SIM2: variants seen among roughly 807,000 people sequenced by gnomAD.
The protein encoded by SIM2 is SIM bHLH transcription factor 2, also known as single-minded homolog 2.
A neutral mutation model predicts 64.8 loss-of-function variants in SIM2; 28 were observed. The observed-to-expected ratio is 0.43, with a 90% CI of 0.32 to 0.59. The LOEUF (loss-of-function observed/expected upper bound fraction) is 0.59. SIM2 is among the 20% of genes least tolerant of loss of function. The pLI, the probability that SIM2 is intolerant of heterozygous loss-of-function variation, is 0.07. For synonymous variants in SIM2, 408 were observed against 391.1 expected (o/e 1.04, Z -0.51); for missense variants, 847 against 871.4 (o/e 0.97, Z 0.35).
chr21:36,715,845 A>G (rs1272326303), intron 3 of SIM2, among the ~76,000 whole-genome samples: 4 of 152,224 alleles, frequency 2.6e-5, no homozygotes, highest in Admixed American at 2.6e-4. Context: ...TCTTTTATTA[A>G]GCCTTATTTG....
intron 3 of SIM2, among the ~76,000 whole-genome samples, chr21:36,714,348 CA>C (rs1568928216): frequency 6.6e-6 from 1 of 152,138 alleles, no homozygotes; most frequent in Non-Finnish European, 1.5e-5. Context: ...TCACTGTTAT[CA>C]AATATTAAAT....
chr21:36,728,432 C>G (rs118018960), intron 6 of SIM2, among the ~76,000 whole-genome samples: 3,234 of 152,312 alleles, frequency 0.021, 53 homozygotes, highest in Non-Finnish European at 0.032. Flanking sequence ...GAGGCCTGGA[C>G]AGGGCCTGGA....
At chr21:36,728,277 C>A (rs1264003807) in intron 6 of SIM2, among the ~76,000 whole-genome samples, 2 of 152,122 alleles carry the variant, frequency 1.3e-5, no homozygotes, top group Non-Finnish European at 2.9e-5. Flanking sequence ...TTCCTCTGGG[C>A]CTTCTAGGAA....
At position 36,726,416 on chromosome 21, in the gene SIM2, A is replaced by C; in HGVS notation, c.743+98A>C. On this transcript the variant is annotated intron_variant, in intron 6 of 10. Coordinates refer to ENST00000290399, the MANE Select transcript of SIM2 (RefSeq NM_005069.6). The surrounding 1 kb of genome is among the most constrained non-coding windows in gnomAD (Gnocchi z 4.5). ...CTGCCATCTTGGCCAAATCATAACA[A>C]GGAATAAGTCATAATAGGAATGTGG... 9.5e-7 allele frequency: 1 copy of C among 1,051,394 alleles called. No homozygotes were observed. The highest frequency in any genetic ancestry group is 1.4e-6 in the Non-Finnish European group (1 of 716,816). The allele number at this position is 1,051,394 out of a possible 1,614,324, so 65.1% of individuals were successfully genotyped here. A position where few individuals can be genotyped will look rare whatever the true frequency, so the allele number is the denominator to read the frequency against.
chr21:36,736,860 T>TTTTC (rs771378970), intron 7 of SIM2, among the ~76,000 whole-genome samples: 2 of 25,232 alleles, frequency 7.9e-5, no homozygotes, highest in Non-Finnish European at 1.0e-4. Context: ...CTTTCTTTCT[T>TTTTC]TTTCTTTCTT....
chr21:36,702,233 G>T (rs890961688), intron 1 of SIM2, among the ~76,000 whole-genome samples: 1 of 152,208 alleles, frequency 6.6e-6, no homozygotes, highest in Non-Finnish European at 1.5e-5. Context: ...GCTTGCACTG[G>T]TGGCAGGTTT....
chr21:36,717,564 C>T (rs966459771), intron 3 of SIM2, among the ~76,000 whole-genome samples: 1 of 151,608 alleles, frequency 6.6e-6, no homozygotes, highest in African/African-American at 2.4e-5. Flanking sequence ...TCTCCTGCCT[C>T]GGCTTCCCTT....
chr21:36,704,076 A>G (rs2088544724), intron 1 of SIM2, among the ~76,000 whole-genome samples: 1 of 152,150 alleles, frequency 6.6e-6, no homozygotes, highest in South Asian at 2.1e-4. Context: ...AAGAATTGCT[A>G]CTCCAGAAAC....
At chr21:36,746,078 G>T in intron 10 of SIM2, 1 of 874,944 alleles carries the variant, frequency 1.1e-6, no homozygotes, top group South Asian at 2.7e-5. Flanking sequence ...CACTTTGGGA[G>T]GCCAAGGTGG....
rs2088632577 is a variant in SIM2 at position 36,709,058 on chromosome 21, G to A, written c.176-110G>A. On this transcript the variant is annotated intron_variant, in intron 1 of 10. Transcript: ENST00000290399. ...CGGGGAGGCGGCGGGGAGACGCGCGGGACTCGTGGGGAGGGCTGGCAGGGT... is the reference window on the plus strand; with the variant it reads ...CGGGGAGGCGGCGGGGAGACGCGCGAGACTCGTGGGGAGGGCTGGCAGGGT... 3 of 888,288 alleles carry A rather than the reference G, an allele frequency of 3.4e-6. No homozygotes were observed. The East Asian group carries it at 9.0e-5, about 27-fold the overall frequency. 55.0% of individuals were successfully genotyped at this position (888,288 alleles called of 1,614,324 possible). A position where few individuals can be genotyped will look rare whatever the true frequency, so the allele number is the denominator to read the frequency against.
Position 36,741,876 on chromosome 21 carries a change from G to A in SIM2, c.998+12G>A, listed in dbSNP as rs376307673. 7.1e-6 allele frequency: 11 copies of A among 1,555,566 alleles called. No individual in the cohort carries two copies. Among genetic ancestry groups the A allele is most frequent in the African/African-American group, 6.8e-5 (5 of 73,984 alleles). On this transcript the variant is annotated intron_variant, in intron 8 of 10. Coordinates refer to ENST00000290399, the MANE Select transcript of SIM2 (RefSeq NM_005069.6). Reference sequence around the variant, plus strand: ...AATTATGTACTCACGTAAGTCACACGTATTTGTTTCTCTCCTTGCTCTTTT... The same window carrying A: ...AATTATGTACTCACGTAAGTCACACATATTTGTTTCTCTCCTTGCTCTTTT...
intron 7 of SIM2, among the ~76,000 whole-genome samples, chr21:36,736,841 C>T (rs919988249): frequency 5.8e-5 from 4 of 69,296 alleles, no homozygotes; most frequent in South Asian, 5.1e-4. Context: ...CTTTCTTTCT[C>T]TTTCTTTTCT....
rs1019064945 is a variant in SIM2 at position 36,733,335 on chromosome 21, G to A, written c.850+2184G>A. Among the ~76,000 whole-genome samples, 6 of 151,626 alleles carry A rather than the reference G, an allele frequency of 4.0e-5. 1 individual carries two copies. In the South Asian group the frequency reaches 6.3e-4, roughly 16 times the overall value. ...TGCCTCCTGGGTTCAAGCAATTCTC[G>A]TGTCTCAGCCTCCCAAGTAGCTGGG... On this transcript the variant is annotated intron_variant, in intron 7 of 10. Transcript: ENST00000290399.
chr21:36,714,225 T>G (rs1247599278), intron 3 of SIM2, among the ~76,000 whole-genome samples: 1 of 152,204 alleles, frequency 6.6e-6, no homozygotes, highest in East Asian at 1.9e-4. Flanking sequence ...TTACTTACCT[T>G]TTTTAGTCAT....
chr21:36,744,584 C>G, intron 9 of SIM2, 144 bp from the exon 10 acceptor site: 1 of 992,254 alleles, frequency 1.0e-6, no homozygotes, highest in Non-Finnish European at 1.4e-6. Flanking sequence ...GTGTGCCTGT[C>G]CCCAGTGGGA....
At chr21:36,735,574 G>GC (rs11391010) in intron 7 of SIM2, among the ~76,000 whole-genome samples, 152,260 of 152,262 alleles carry the variant, frequency 1, 76,129 homozygotes, top group Middle Eastern at 1. Flanking sequence ...AATAGCTGCT[G>GC]CTCTCCTCTT....
At chr21:36,743,293 G>A in intron 8 of SIM2, 94 bp from the exon 9 acceptor site, 1 of 1,041,914 alleles carries the variant, frequency 9.6e-7, no homozygotes. Flanking sequence ...ACACACTGGA[G>A]CACTGAGAAC....
At chr21:36,704,831 G>A (rs2088556845) in intron 1 of SIM2, among the ~76,000 whole-genome samples, 1 of 152,196 alleles carries the variant, frequency 6.6e-6, no homozygotes, top group African/African-American at 2.4e-5. Flanking sequence ...TTCTTGGGGC[G>A]TCCCCACGAC....
rs925474844 is a variant in SIM2 at position 36,728,188 on chromosome 21, G to A, written c.743+1870G>A. 5.7e-4 allele frequency among the ~76,000 whole-genome samples: 87 copies of A among 152,348 alleles called. 1 individual carries two copies. Among genetic ancestry groups the A allele is most frequent in the African/African-American group, 2.0e-3 (85 of 41,588 alleles). On this transcript the variant is annotated intron_variant, in intron 6 of 10. Coordinates refer to ENST00000290399, the MANE Select transcript of SIM2 (RefSeq NM_005069.6). ...AGCCACTTCTGAGAGGTGGCTGGAA[G>A]GACATCAGCTGCCCAAAGTCATTAT...
Sources: gnomAD v4.1 joint callset for allele counts (sites outside exome capture counted in the v4.1 genomes callset) on GRCh38, gnomAD v4.1.1 for gene constraint, Gnocchi (gnomAD v3.1) non-coding constraint, MANE v1.5 for transcripts, NCBI Gene and HGNC (gene_info 2026-07-23, HGNC 2026-07-21) for gene names.